KANK4: variants seen among roughly 807,000 people sequenced by gnomAD.
KANK4 encodes the protein KN motif and ankyrin repeat domains 4, also known as KN motif and ankyrin repeat domain-containing protein 4.
In KANK4, 50 loss-of-function variants were observed where a neutral mutation model predicts 80.8. That is an observed-to-expected ratio of 0.62 (90% confidence interval 0.49 to 0.78). KANK4 has a LOEUF of 0.78. Among genes scored for constraint, KANK4 ranks in the 30% least tolerant of loss-of-function variants. The probability of loss-of-function intolerance (pLI) is 0.00; values close to 1 mark genes in which losing one functional copy is unlikely to be tolerated. For missense variants in KANK4, 1,196 were observed against 1,240.1 expected (o/e 0.96, Z 0.53); for synonymous variants, 465 against 506.9 (o/e 0.92, Z 1.11).
chr1:62,316,154 C>T (rs955981267), intron 1 of KANK4, among the ~76,000 whole-genome samples: 1 of 152,222 alleles, frequency 6.6e-6, no homozygotes, highest in Non-Finnish European at 1.5e-5. Context: ...CAAGGGCGTC[C>T]CCCAGTCTGG....
At chr1:62,282,701 T>C (rs1474018471) in intron 1 of KANK4, among the ~76,000 whole-genome samples, 1 of 152,244 alleles carries the variant, frequency 6.6e-6, no homozygotes, top group African/African-American at 2.4e-5. Flanking sequence ...GCATCACTTC[T>C]TCCTGCGAGT....
chr1:62,295,647 C>A (rs1452043516), intron 1 of KANK4, among the ~76,000 whole-genome samples: 1 of 152,236 alleles, frequency 6.6e-6, no homozygotes, highest in Non-Finnish European at 1.5e-5. Context: ...ATGACCTGCC[C>A]ACCTCATACA....
At chr1:62,295,980 C>T (rs1004814961) in intron 1 of KANK4, among the ~76,000 whole-genome samples, 1 of 152,260 alleles carries the variant, frequency 6.6e-6, no homozygotes, top group South Asian at 2.1e-4. Context: ...TTTACCCATC[C>T]TTACTCAGTG....
At chr1:62,303,427 G>A (rs576898262) in intron 1 of KANK4, among the ~76,000 whole-genome samples, 7 of 152,030 alleles carry the variant, frequency 4.6e-5, no homozygotes, top group African/African-American at 1.2e-4. Context: ...AGGACAGGGC[G>A]AGCAGCCATG....
Position 62,281,754 on chromosome 1 carries a change from C to T in KANK4, c.-70-120G>A, listed in dbSNP as rs368221701. 5.6e-4 allele frequency: 381 copies of T among 677,892 alleles called. 1 individual carries two copies. Among genetic ancestry groups the T allele is most frequent in the Admixed American group, 7.2e-4 (32 of 44,546 alleles). 42.0% of individuals were successfully genotyped at this position (677,892 alleles called of 1,614,324 possible). Reference sequence around the variant, plus strand: ...GCCTTTCTCCCAGGGTGCCCATGAGCTCACAGCCCTCCAAGGAGGAAGATT... The same window carrying T: ...GCCTTTCTCCCAGGGTGCCCATGAGTTCACAGCCCTCCAAGGAGGAAGATT... On this transcript the variant is annotated intron_variant, in intron 1 of 9. Transcript: ENST00000371153.
At position 62,305,796 on chromosome 1, in the gene KANK4, C is replaced by T. The variant is rs561820840; in HGVS notation, c.-71+13310G>A. Among the ~76,000 whole-genome samples, 70 of 152,200 alleles carry T rather than the reference C, an allele frequency of 4.6e-4. 1 individual carries two copies. The highest frequency in any genetic ancestry group is 3.4e-3 in the Middle Eastern group (1 of 294). On this transcript the variant is annotated intron_variant, in intron 1 of 9. Transcript: ENST00000371153. Reference sequence around the variant, plus strand: ...GTTGCTTTCTCCTGACACTGCATTGCGCTCTGATAACCCAGTACCCAAAAA... The same window carrying T: ...GTTGCTTTCTCCTGACACTGCATTGTGCTCTGATAACCCAGTACCCAAAAA...
chr1:62,260,836 G>GCT (rs142295804), intron 7 of KANK4, among the ~76,000 whole-genome samples: 75 of 151,280 alleles, frequency 5.0e-4, no homozygotes, highest in African/African-American at 1.7e-3. Context: ...CCACTGACGT[G>GCT]CTCTCTCTCT....
At chr1:62,284,844 G>T (rs1672527985) in intron 1 of KANK4, among the ~76,000 whole-genome samples, 1 of 152,160 alleles carries the variant, frequency 6.6e-6, no homozygotes, top group Admixed American at 6.5e-5. Context: ...CTGTAAGCTT[G>T]TGAAGGTCAG....
chr1:62,241,771 C>T (rs1367068020), intron 9 of KANK4, among the ~76,000 whole-genome samples: 1 of 152,202 alleles, frequency 6.6e-6, no homozygotes, highest in Non-Finnish European at 1.5e-5. Flanking sequence ...TATGTAGGCC[C>T]GAATTCCTGC....
Position 62,236,613 on chromosome 1 carries a change from T to TTTTTTTTTTTTTTTTTTGTTTTGG in KANK4, c.*1663_*1664insCCAAAACAAAAAAAAAAAAAAAAA, listed in dbSNP as rs1671206307. ...ATTGGATTTTTTTTTTTTTTTTTTT[T>TTTTTTTTTTTTTTTTTTGTTTTGG]GAGACAGAGTTTTGCTCGTTACCCA... On this transcript the variant is annotated 3_prime_UTR_variant, in exon 10 of 10. Coordinates refer to ENST00000371153, the MANE Select transcript of KANK4 (RefSeq NM_181712.5). Among the ~76,000 whole-genome samples, 1 of 125,508 alleles carries TTTTTTTTTTTTTTTTTTGTTTTGG rather than the reference T, an allele frequency of 8.0e-6. No homozygotes were observed. Among genetic ancestry groups the TTTTTTTTTTTTTTTTTTGTTTTGG allele is most frequent in the Non-Finnish European group, 1.7e-5 (1 of 59,016 alleles). The allele number at this position is 125,508 out of a possible 152,430, so 82.3% of individuals were successfully genotyped here.
At chr1:62,249,214 C>T (rs376940824) in intron 8 of KANK4, among the ~76,000 whole-genome samples, 14 of 151,098 alleles carry the variant, frequency 9.3e-5, no homozygotes, top group Admixed American at 6.6e-4. Flanking sequence ...CCTCGCAGGG[C>T]TTTTGTGGGA....
At chr1:62,239,689 G>C (rs1671293516) in intron 9 of KANK4, among the ~76,000 whole-genome samples, 1 of 152,006 alleles carries the variant, frequency 6.6e-6, no homozygotes, top group South Asian at 2.1e-4. Context: ...GACAGGCCCT[G>C]GTGTGTGATG....
chr1:62,279,198 G>GCGCACACACACACA (rs1282615199), intron 2 of KANK4, among the ~76,000 whole-genome samples: 8 of 146,174 alleles, frequency 5.5e-5, no homozygotes, highest in East Asian at 4.3e-4. Context: ...GCTAGCGCGC[G>GCGCACACACACACA]CACACACACA....
intron 1 of KANK4, among the ~76,000 whole-genome samples, chr1:62,293,362 T>C (rs557303831): frequency 6.0e-4 from 92 of 152,234 alleles, no homozygotes; most frequent in Non-Finnish European, 1.1e-3. Context: ...CCCAAAGTGC[T>C]GGGATTACAG....
At chr1:62,264,380 C>T (rs1671968296) in intron 6 of KANK4, among the ~76,000 whole-genome samples, 1 of 152,022 alleles carries the variant, frequency 6.6e-6, no homozygotes, top group Non-Finnish European at 1.5e-5. Context: ...CATTGCACTC[C>T]AGCCTGGGCA....
intron 9 of KANK4, among the ~76,000 whole-genome samples, chr1:62,241,475 C>T (rs944166063): frequency 4.6e-5 from 7 of 152,134 alleles, no homozygotes; most frequent in Admixed American, 2.0e-4. Context: ...GTTCTATGCT[C>T]GTATTTGTGA....
chr1:62,275,106 G>T lies in KANK4; in HGVS notation c.17-19C>A. 1 of 1,526,804 alleles carries T rather than the reference G, an allele frequency of 6.5e-7. No individual in the cohort carries two copies. The highest frequency in any genetic ancestry group is 8.9e-7 in the Non-Finnish European group (1 of 1,129,538). 94.6% of individuals were successfully genotyped at this position (1,526,804 alleles called of 1,614,324 possible). A position where few individuals can be genotyped will look rare whatever the true frequency, so the allele number is the denominator to read the frequency against. ...TCTTTGGCTGGGAGACATAAGACAA[G>T]TTAAAAAAAAAAAGCACAAATTTAA... On this transcript the variant is annotated intron_variant, in intron 2 of 9. Coordinates refer to ENST00000371153, the MANE Select transcript of KANK4 (RefSeq NM_181712.5).
chr1:62,258,620 G>A (rs980186797), intron 7 of KANK4, among the ~76,000 whole-genome samples: 3 of 152,156 alleles, frequency 2.0e-5, no homozygotes, highest in African/African-American at 4.8e-5. Flanking sequence ...GTCATCCATC[G>A]CTCATTCATT....
rs1187492114 is a variant in KANK4 at position 62,238,104 on chromosome 1, T to A, written c.*173A>T. 7.2e-6 allele frequency: 4 copies of A among 552,590 alleles called. No homozygotes were observed. The highest frequency in any genetic ancestry group is 9.8e-6 in the Non-Finnish European group (3 of 304,882). 34.2% of individuals were successfully genotyped at this position (552,590 alleles called of 1,614,324 possible). A position where few individuals can be genotyped will look rare whatever the true frequency, so the allele number is the denominator to read the frequency against. ...TTCAGGCTTGGCCTAAGGCAAAAACTACAAAGCATCCTAATGAGCAGAATT... is the reference window on the plus strand; with the variant it reads ...TTCAGGCTTGGCCTAAGGCAAAAACAACAAAGCATCCTAATGAGCAGAATT... On this transcript the variant is annotated 3_prime_UTR_variant, in exon 10 of 10. Transcript: ENST00000371153.
Sources: allele counts gnomAD v4.1 joint callset (sites outside exome capture counted in the v4.1 genomes callset), GRCh38; gene constraint gnomAD v4.1.1; transcripts MANE v1.5; gene names NCBI Gene and HGNC (gene_info 2026-07-23, HGNC 2026-07-21).